The following CD2AP variants were observed in gnomAD, a reference collection of about 807,000 sequenced individuals.
CD2AP encodes CD2-associated protein.
A neutral mutation model predicts 85.1 loss-of-function variants in CD2AP; 46 were observed. The ratio of observed to expected loss-of-function variants is 0.54; its 90% CI spans 0.43 to 0.69. The LOEUF (loss-of-function observed/expected upper bound fraction) is 0.69, where lower values mean the gene tolerates loss of function less well. Ranked by LOEUF, CD2AP falls within the 30% of genes least tolerant of loss-of-function variation. The pLI, the probability that CD2AP is intolerant of heterozygous loss-of-function variation, is 0.00. For missense variants in CD2AP, 769 were observed against 729.5 expected (o/e 1.05, Z -0.62); for synonymous variants, 255 against 252.9 (o/e 1.01, Z -0.08).
At chr6:47,544,738 TA>T in intron 4 of CD2AP, 32 bp downstream of exon 4, 1 of 1,209,444 alleles carries the variant, frequency 8.3e-7, no homozygotes, top group Non-Finnish European at 1.2e-6. Context: ...GGTAAAACAG[TA>T]ATGGTAATTG....
rs1769204918 is a variant in CD2AP, at chr6:47,603,870, T to C, written c.1418-2295T>C. 2.0e-5 allele frequency among the ~76,000 whole-genome samples: 3 copies of C among 152,194 alleles called. No individual in the cohort carries two copies. In the South Asian group the frequency reaches 6.2e-4, roughly 32 times the overall value. On this transcript the variant is annotated intron_variant, in intron 13 of 17. Transcript: ENST00000359314. ...TTTATAAAGCAATCAAAATAGTATT[T>C]TCAATATAAATAGGTGGTGCACATT...
At chr6:47,483,772 C>T (rs778926482) in intron 1 of CD2AP, among the ~76,000 whole-genome samples, 28 of 151,558 alleles carry the variant, frequency 1.8e-4, no homozygotes, top group Admixed American at 1.3e-3. Context: ...TTTATTTGGT[C>T]CCAGGGATTT....
intron 2 of CD2AP, among the ~76,000 whole-genome samples, chr6:47,508,988 A>G (rs575549235): frequency 4.6e-5 from 7 of 152,290 alleles, no homozygotes; most frequent in African/African-American, 1.4e-4. Context: ...GCCTATCTCA[A>G]CTTTCAGCAT....
intron 2 of CD2AP, among the ~76,000 whole-genome samples, chr6:47,510,613 A>C (rs1441056856): frequency 2.0e-5 from 3 of 152,242 alleles, no homozygotes; most frequent in Non-Finnish European, 4.4e-5. Flanking sequence ...AAAATACAGC[A>C]TAAGTATACA....
At chr6:47,492,425 T>A (rs1765759740) in intron 1 of CD2AP, among the ~76,000 whole-genome samples, 1 of 145,078 alleles carries the variant, frequency 6.9e-6, no homozygotes, top group East Asian at 2.1e-4. Flanking sequence ...TGATTGTAGC[T>A]CACTGCAACC....
intron 2 of CD2AP, among the ~76,000 whole-genome samples, chr6:47,533,211 G>C (rs1025951272): frequency 3.9e-5 from 6 of 152,314 alleles, no homozygotes; most frequent in Non-Finnish European, 8.8e-5. Context: ...TAGGAGTGTT[G>C]ATGGTTGCAA....
intron 5 of CD2AP, among the ~76,000 whole-genome samples, chr6:47,566,692 C>T (rs1254781484): frequency 6.6e-6 from 1 of 152,130 alleles, no homozygotes; most frequent in Non-Finnish European, 1.5e-5. Context: ...TCAACTCCCA[C>T]TAATGAGTGA....
In CD2AP at chr6:47,624,278, A is replaced by G. The variant is rs575824882; in HGVS notation, c.*51A>G. On this transcript the variant is annotated 3_prime_UTR_variant, in exon 18 of 18. Coordinates refer to ENST00000359314, the MANE Select transcript of CD2AP (RefSeq NM_012120.3). ...GTTCCAGGGATTCAGAAGCAACGCT[A>G]TGAACTTCAGCTGACTTGTTACTTA... The G allele has an allele frequency of 5.7e-5, 80 of 1,405,630 alleles. 1 individual carries two copies. In the South Asian group the frequency reaches 6.3e-4, roughly 11 times the overall value. 87.1% of individuals were successfully genotyped at this position (1,405,630 alleles called of 1,614,324 possible).
At chr6:47,523,080 C>A (rs775045314) in intron 2 of CD2AP, among the ~76,000 whole-genome samples, 2 of 151,944 alleles carry the variant, frequency 1.3e-5, no homozygotes, top group Admixed American at 1.3e-4. Context: ...TTTTAAAAAT[C>A]TTTTGCTTTA....
chr6:47,575,791 A>G (rs1768291981), intron 6 of CD2AP, among the ~76,000 whole-genome samples: 2 of 152,122 alleles, frequency 1.3e-5, no homozygotes, highest in East Asian at 1.9e-4. Context: ...TATAAGGAAC[A>G]TAAGATTACC....
At chr6:47,604,266 A>T (rs527335394) in intron 13 of CD2AP, among the ~76,000 whole-genome samples, 2 of 152,168 alleles carry the variant, frequency 1.3e-5, no homozygotes, top group East Asian at 3.9e-4. Context: ...GCATTTAGAT[A>T]TGTCATGAGT....
In CD2AP at chr6:47,480,901, A is replaced by G. The variant is rs543703258; in HGVS notation, c.4+2653A>G. 2.0e-5 allele frequency among the ~76,000 whole-genome samples: 3 copies of G among 152,330 alleles called. No individual in the cohort carries two copies. The East Asian group carries it at 5.8e-4, about 29-fold the overall frequency. On this transcript the variant is annotated intron_variant, in intron 1 of 17. Transcript: ENST00000359314. ...TTTTCAATGTTGGATGTACTGTGCG[A>G]AAGTCCATTATTGGTAAGAGCTTTA... is the stretch of plus-strand genomic sequence containing the variant.
chr6:47,490,325 T>G (rs1765703389), intron 1 of CD2AP, among the ~76,000 whole-genome samples: 1 of 152,162 alleles, frequency 6.6e-6, no homozygotes. Context: ...TACACATTGG[T>G]CTTTTACTTA....
rs1056410566 is a variant in CD2AP at position 47,478,241 on chromosome 6, C to T, written c.-4C>T. 7.6e-6 allele frequency: 12 copies of T among 1,572,678 alleles called. No homozygotes were observed. Among genetic ancestry groups the T allele is most frequent in the Non-Finnish European group, 9.5e-6 (11 of 1,159,534 alleles). On this transcript the variant is annotated 5_prime_UTR_variant, in exon 1 of 18. Transcript: ENST00000359314. Reference sequence around the variant, plus strand: ...GTCGGCTTCTCCCCGCGGGAGCCCCCAGCATGGGTAAGAGACTCGGGCGCT... The same window carrying T: ...GTCGGCTTCTCCCCGCGGGAGCCCCTAGCATGGGTAAGAGACTCGGGCGCT...
intron 12 of CD2AP, among the ~76,000 whole-genome samples, chr6:47,596,402 C>T (rs1768948022): frequency 6.6e-6 from 1 of 152,096 alleles, no homozygotes; most frequent in African/African-American, 2.4e-5. Context: ...TCCTTGACCA[C>T]ATCTTCCCAC....
intron 2 of CD2AP, among the ~76,000 whole-genome samples, chr6:47,510,267 C>G (rs1201430923): frequency 1.3e-5 from 2 of 152,158 alleles, no homozygotes; most frequent in African/African-American, 4.8e-5. Context: ...TGTGCATACA[C>G]AAATATATGT....
intron 4 of CD2AP, among the ~76,000 whole-genome samples, chr6:47,550,771 G>T (rs1767497117): frequency 6.6e-6 from 1 of 152,140 alleles, no homozygotes; most frequent in South Asian, 2.1e-4. Context: ...CAAAAATGTG[G>T]AACCAACCTT....
rs1765339141 is a variant in CD2AP, at chr6:47,477,789, CTCTG to C, written c.-451_-448del. ...TCCCAGCTCCCCGCACCTTCTCGGC[CTCTG>C]TCTGGGTCCCCACCTTAGTCTACGG... On this transcript the variant is annotated 5_prime_UTR_variant, in exon 1 of 18. Coordinates refer to ENST00000359314, the MANE Select transcript of CD2AP (RefSeq NM_012120.3). The C allele has an allele frequency of 5.8e-6, 1 of 171,840 alleles. No homozygotes were observed. The highest frequency in any genetic ancestry group is 1.7e-4 in the East Asian group (1 of 5,720). 10.6% of individuals were successfully genotyped at this position (171,840 alleles called of 1,614,324 possible).
At chr6:47,594,101 T>C (rs1405342253) in intron 11 of CD2AP, among the ~76,000 whole-genome samples, 4 of 152,068 alleles carry the variant, frequency 2.6e-5, no homozygotes, top group Admixed American at 6.6e-5. Context: ...CCATAGAAGA[T>C]AGAAGGCAGG....
Sources: allele counts gnomAD v4.1 joint callset (sites outside exome capture counted in the v4.1 genomes callset), GRCh38; gene constraint gnomAD v4.1.1; transcripts MANE v1.5; gene names NCBI Gene and HGNC (gene_info 2026-07-23, HGNC 2026-07-21).